CTNNA2: variants seen among roughly 807,000 people sequenced by gnomAD.
CTNNA2 encodes catenin alpha 2.
CTNNA2 carries 42 observed loss-of-function variants against 101.0 expected under a neutral mutation model. That is an observed-to-expected ratio of 0.42 (90% CI 0.32 to 0.54). The LOEUF (loss-of-function observed/expected upper bound fraction) is 0.54, where lower values mean the gene tolerates loss of function less well. Ranked by LOEUF, CTNNA2 falls within the 20% of genes least tolerant of loss-of-function variation. CTNNA2 has a pLI of 0.14. For synonymous variants in CTNNA2, 450 were observed against 456.4 expected (o/e 0.99, Z 0.18); for missense variants, 871 against 1,223.1 (o/e 0.71, Z 4.29).
intron 4 of CTNNA2, among the ~76,000 whole-genome samples, chr2:79,399,736 A>G (rs1486123035): frequency 6.6e-6 from 1 of 152,070 alleles, no homozygotes; most frequent in Admixed American, 6.6e-5. Context: ...AGGCCTATAC[A>G]TATGAGAAAA....
intron 7 of CTNNA2, among the ~76,000 whole-genome samples, chr2:80,213,878 C>G (rs1708076680): frequency 6.6e-6 from 1 of 152,142 alleles, no homozygotes; most frequent in African/African-American, 2.4e-5. Context: ...TAAGGACTTG[C>G]TTTATGAATC....
chr2:79,265,028 A>G lies in CTNNA2; in HGVS notation c.-405-47681A>G, dbSNP rs1375027109. Among the ~76,000 whole-genome samples, 7 of 152,300 alleles carry G rather than the reference A, an allele frequency of 4.6e-5. No individual in the cohort carries two copies. The East Asian group carries it at 1.2e-3, about 25-fold the overall frequency. The stretch of plus-strand genomic sequence containing the variant: ...TTTTCATTAGCTTTTTAGAGGATCT[A>G]TAATAATAAGATAAGGAAGATTTAG... On this transcript the variant is annotated intron_variant, in intron 2 of 21. Coordinates refer to the CTNNA2 transcript ENST00000466387.
At chr2:80,238,667 A>T (rs2149087227) in intron 7 of CTNNA2, among the ~76,000 whole-genome samples, 1 of 152,310 alleles carries the variant, frequency 6.6e-6, no homozygotes, top group South Asian at 2.1e-4. Flanking sequence ...CTTATGAAAC[A>T]TCCTGAAGCT....
intron 7 of CTNNA2, among the ~76,000 whole-genome samples, chr2:80,389,672 T>G (rs988293678): frequency 2.0e-4 from 30 of 152,344 alleles, no homozygotes; most frequent in African/African-American, 7.2e-4. Flanking sequence ...GACAAGCTAC[T>G]ATTGTTATTC....
chr2:80,338,798 C>G lies in CTNNA2; in HGVS notation c.1057-54413C>G, dbSNP rs150501661. Among the ~76,000 whole-genome samples the G allele has an allele frequency of 2.2e-3, 332 of 152,276 alleles. 2 individuals carry two copies. In the East Asian group the frequency reaches 0.027, roughly 12 times the overall value. ...TAGTTTTCCTAATGATTTGAGAGAG[C>G]TAGGCTTGTGATTAGAATTCCAGTC... On this transcript the variant is annotated intron_variant, in intron 7 of 18. Coordinates refer to ENST00000402739, the MANE Select transcript of CTNNA2 (RefSeq NM_001282597.3).
chr2:80,301,323 G>C (rs941487543), intron 7 of CTNNA2, among the ~76,000 whole-genome samples: 3 of 152,178 alleles, frequency 2.0e-5, no homozygotes, highest in African/African-American at 4.8e-5. Flanking sequence ...AGACCAAAGA[G>C]AGCAGTGAGC....
intron 7 of CTNNA2, among the ~76,000 whole-genome samples, chr2:79,986,533 T>G (rs1254944119): frequency 6.6e-6 from 1 of 152,126 alleles, no homozygotes; most frequent in African/African-American, 2.4e-5. Flanking sequence ...CACTTTTCGT[T>G]GTTCTGCTCT....
intron 7 of CTNNA2, among the ~76,000 whole-genome samples, chr2:79,970,843 C>T (rs1257456055): frequency 6.6e-6 from 1 of 151,974 alleles, no homozygotes; most frequent in African/African-American, 2.4e-5. Flanking sequence ...AGGGGGAGAC[C>T]TAGGAGTGTG....
intron 7 of CTNNA2, among the ~76,000 whole-genome samples, chr2:80,114,948 C>T (rs1457344177): frequency 6.6e-6 from 1 of 152,164 alleles, no homozygotes; most frequent in East Asian, 1.9e-4. Flanking sequence ...CTTCCGAGAG[C>T]AGACTGACCT....
At chr2:80,399,965 G>A (rs1678403720) in intron 8 of CTNNA2, among the ~76,000 whole-genome samples, 2 of 152,138 alleles carry the variant, frequency 1.3e-5, no homozygotes, top group Non-Finnish European at 2.9e-5. Flanking sequence ...GTTAAGTGAG[G>A]TTGGCCCATA....
intron 2 of CTNNA2, among the ~76,000 whole-genome samples, chr2:79,726,260 T>C (rs1686831596): frequency 6.6e-6 from 1 of 152,156 alleles, no homozygotes; most frequent in Non-Finnish European, 1.5e-5. Flanking sequence ...GTATATATAA[T>C]ATATATGTTA....
At chr2:80,533,848 C>A (rs113673942) in intron 9 of CTNNA2, among the ~76,000 whole-genome samples, 3 of 152,216 alleles carry the variant, frequency 2.0e-5, no homozygotes, top group Non-Finnish European at 4.4e-5. Flanking sequence ...ATTACATTCC[C>A]GGCATGGTTT....
intron 18 of CTNNA2, among the ~76,000 whole-genome samples, chr2:80,635,740 T>A (rs1359097014): frequency 1.3e-5 from 2 of 152,190 alleles, no homozygotes; most frequent in South Asian, 2.1e-4. Flanking sequence ...TTATGATGAT[T>A]GCTAACTCTC....
At chr2:79,612,086 T>C (rs2104206564) in intron 1 of CTNNA2, among the ~76,000 whole-genome samples, 1 of 152,290 alleles carries the variant, frequency 6.6e-6, no homozygotes, top group Non-Finnish European at 1.5e-5. Flanking sequence ...TTTTCCACTA[T>C]GCCAATGTTG....
intron 7 of CTNNA2, among the ~76,000 whole-genome samples, chr2:80,109,662 C>T (rs928159659): frequency 6.6e-6 from 1 of 150,554 alleles, no homozygotes; most frequent in African/African-American, 2.5e-5. Flanking sequence ...TTCTGTTTGG[C>T]GTGGAAACAC....
chr2:80,536,731 C>T (rs927498607), intron 9 of CTNNA2, among the ~76,000 whole-genome samples: 1 of 152,170 alleles, frequency 6.6e-6, no homozygotes, highest in African/African-American at 2.4e-5. Context: ...GCCTTCCAGG[C>T]ATTTTGGCTT....
In CTNNA2 at chr2:79,911,476, C is replaced by G. The variant is rs553999005; in HGVS notation, c.1056+1679C>G. 1.1e-4 allele frequency among the ~76,000 whole-genome samples: 16 copies of G among 152,264 alleles called. No homozygotes were observed. In the South Asian group the frequency reaches 3.3e-3, roughly 32 times the overall value. ...GTGACTAAATAAGAGTTGATCAACA[C>G]GTGACATGTAATTTTCAGTTTGGTG... is the stretch of plus-strand genomic sequence containing the variant. On this transcript the variant is annotated intron_variant, in intron 7 of 18. Coordinates refer to ENST00000402739, the MANE Select transcript of CTNNA2 (RefSeq NM_001282597.3).
intron 3 of CTNNA2, among the ~76,000 whole-genome samples, chr2:79,810,710 A>T (rs1216566582): frequency 6.6e-6 from 1 of 150,542 alleles, no homozygotes; most frequent in Non-Finnish European, 1.5e-5. Context: ...CTGGTGTGTG[A>T]TGTTCCCTTT....
intron 4 of CTNNA2, among the ~76,000 whole-genome samples, chr2:79,445,011 A>G (rs1179675043): frequency 6.6e-6 from 1 of 152,150 alleles, no homozygotes; most frequent in Non-Finnish European, 1.5e-5. Context: ...GTATGGCACA[A>G]TACTACTGGG....
Sources: allele counts gnomAD v4.1 joint callset (sites outside exome capture counted in the v4.1 genomes callset), GRCh38; gene constraint gnomAD v4.1.1; transcripts MANE v1.5; gene names NCBI Gene and HGNC (gene_info 2026-07-23, HGNC 2026-07-21).